CCDC14: variants seen among roughly 807,000 people sequenced by gnomAD.
The protein encoded by CCDC14 is coiled-coil domain containing 14.
Under a neutral mutation model 81.4 loss-of-function variants are expected in CCDC14, and 71 were observed. The observed-to-expected ratio is 0.87, with a 90% confidence interval of 0.72 to 1.06. The LOEUF (loss-of-function observed/expected upper bound fraction) is 1.06, where lower values mean the gene tolerates loss of function less well. Among genes scored for constraint, CCDC14 ranks in the 50% least tolerant of loss-of-function variants. The pLI is 0.00. For synonymous variants in CCDC14, 332 were observed against 364.8 expected, an observed-to-expected ratio of 0.91 and a Z score of 1.03; for missense variants, 1,046 against 1,047.3, an observed-to-expected ratio of 1.00 and a Z score of 0.02.
the CCDC14 span, among the ~76,000 whole-genome samples, chr3:123,890,238 G>C: frequency 6.6e-6 from 1 of 152,112 alleles, no homozygotes; most frequent in Non-Finnish European, 1.5e-5. Context: ...GATTTGGGTG[G>C]GGACACAGAG....
rs1175699137 is a variant in CCDC14 at position 123,913,672 on chromosome 3, A to T, written c.*1107T>A. The T allele has an allele frequency of 8.2e-6, 1 of 121,666 alleles. No homozygotes were observed. The highest frequency in any genetic ancestry group is 1.3e-5 in the Non-Finnish European group (1 of 76,292). The allele number at this position is 121,666 out of a possible 1,614,324, so 7.5% of individuals were successfully genotyped here. ...TTCAAACGCTGTAGCACTAACACCT[A>T]AAAAAAAAAAAAAAACCACCAAAAA... On this transcript the variant is annotated 3_prime_UTR_variant, in exon 13 of 13. Transcript: ENST00000409697.
intron 2 of CCDC14, 63 bp from the exon 3 acceptor site, chr3:123,956,490 C>G (rs1464486911): frequency 1.8e-5 from 21 of 1,164,662 alleles, no homozygotes; most frequent in Non-Finnish European, 2.2e-5. Context: ...AGTAAGTAGT[C>G]ATTTTCTTTC....
chr3:123,913,314 G>A, downstream of CCDC14: 1 of 902,280 alleles, frequency 1.1e-6, no homozygotes, highest in Non-Finnish European at 1.3e-6. Context: ...TTGCATATAA[G>A]GATGGCTGTT....
At chr3:123,898,241 A>T (rs1235521689) in intron 5 of CCDC14, among the ~76,000 whole-genome samples, 1 of 152,204 alleles carries the variant, frequency 6.6e-6, no homozygotes, top group African/African-American at 2.4e-5. Flanking sequence ...AATAAACCCC[A>T]TCCACTTCAT....
At position 123,946,922 on chromosome 3, in the gene CCDC14, A is replaced by G. The variant is rs568438479; in HGVS notation, c.1082T>C (p.Val361Ala). The change falls in exon 8 of 13, where the codon GTG (valine) becomes GCG (alanine). Residue 361 changes from valine (V) to alanine (A), a missense_variant. Val to Ala is a moderately conservative substitution (Grantham distance 64). Transcript: ENST00000409697. Reference sequence around the variant, plus strand: ...ATCCTTCACTGTTTTTGTATCTCGCACATGTATGTTTAAATCCTTTCTTTC... The same window carrying G: ...ATCCTTCACTGTTTTTGTATCTCGCGCATGTATGTTTAAATCCTTTCTTTC... ...TSERKDLNIH[V>A]RDTKTVKDVQ... 5 of 1,613,906 alleles carry G rather than the reference A, an allele frequency of 3.1e-6. No homozygotes were observed. The highest frequency in any genetic ancestry group is 3.4e-6 in the Non-Finnish European group (4 of 1,179,866).
intron 12 of CCDC14, among the ~76,000 whole-genome samples, chr3:123,926,040 G>A (rs72962788): frequency 0.024 from 3,592 of 152,152 alleles, 149 homozygotes; most frequent in African/African-American, 0.08. Flanking sequence ...TGATCAGACT[G>A]CATACCGAAA....
Position 123,915,493 on chromosome 3 carries a change from TTCC to T in CCDC14, c.2001_2003del (p.Glu668del), listed in dbSNP as rs778431888. On this transcript the variant is annotated inframe_deletion, in exon 13 of 13. Coordinates refer to ENST00000409697, the MANE Select transcript of CCDC14 (RefSeq NM_001366335.1). ...CATAGGTTTTGTCTGGCTCTATGGT[TTCC>T]TCATTTTTAATTGTAGAAAGTGGCT... The T allele has an allele frequency of 1.9e-6, 3 of 1,613,996 alleles. No homozygotes were observed. The highest frequency in any genetic ancestry group is 3.3e-5 in the Admixed American group (2 of 60,028).
chr3:123,928,377 G>GCACCTGTA (rs2035502963), intron 12 of CCDC14, among the ~76,000 whole-genome samples: 1 of 150,774 alleles, frequency 6.6e-6, no homozygotes, highest in Non-Finnish European at 1.5e-5. Flanking sequence ...GTGGTGGAGG[G>GCACCTGTA]CACCTGTAGT....
intron 12 of CCDC14, chr3:123,930,833 G>A: frequency 9.4e-6 from 3 of 320,652 alleles, no homozygotes; most frequent in East Asian, 6.2e-5. Context: ...GAACCAGAGG[G>A]CTCAATGGTG....
intron 5 of CCDC14, among the ~76,000 whole-genome samples, chr3:123,903,118 T>C (rs1013719408): frequency 1.3e-5 from 2 of 152,124 alleles, no homozygotes; most frequent in Admixed American, 6.6e-5. Context: ...CTTATATTTA[T>C]GGATGAGATA....
chr3:123,888,416 A>AT, the CCDC14 span, among the ~76,000 whole-genome samples: 3 of 152,196 alleles, frequency 2.0e-5, no homozygotes, highest in Non-Finnish European at 2.9e-5. Flanking sequence ...AGTGTCAAAA[A>AT]ATATATATGG....
chr3:123,934,408 G>A (rs750876858), intron 9 of CCDC14, among the ~76,000 whole-genome samples: 2 of 144,130 alleles, frequency 1.4e-5, no homozygotes, highest in African/African-American at 2.6e-5. Flanking sequence ...GTCTTTCTGT[G>A]TATCTTCATC....
At chr3:123,931,600 TAAAAAA>T in intron 10 of CCDC14, 74 bp from the exon 11 acceptor site, 1 of 527,166 alleles carries the variant, frequency 1.9e-6, no homozygotes. Context: ...ACCTGTTTCT[TAAAAAA>T]AAAAAAAAAA....
Position 123,914,078 on chromosome 3 carries a change from A to T in CCDC14, c.*701T>A. The T allele has an allele frequency of 8.1e-6, 8 of 985,524 alleles. No individual in the cohort carries two copies. The highest frequency in any genetic ancestry group is 9.6e-6 in the Non-Finnish European group (8 of 829,700). 61.0% of individuals were successfully genotyped at this position (985,524 alleles called of 1,614,324 possible). The stretch of plus-strand genomic sequence containing the variant: ...TTTCTTATTTAAAAAAAACCCACAA[A>T]TTTCCCCAACTATAGCTTATCTGTT... On this transcript the variant is annotated 3_prime_UTR_variant, in exon 13 of 13. Coordinates refer to ENST00000409697, the MANE Select transcript of CCDC14 (RefSeq NM_001366335.1).
intron 6 of CCDC14, 51 bp downstream of exon 6, chr3:123,948,845 C>A (rs995157347): frequency 5.1e-6 from 8 of 1,582,944 alleles, no homozygotes; most frequent in Admixed American, 1.8e-5. Context: ...AGTAACCAAG[C>A]AATTTAATTA....
At chr3:123,930,391 A>T (rs969159571) in intron 12 of CCDC14, among the ~76,000 whole-genome samples, 5 of 152,228 alleles carry the variant, frequency 3.3e-5, no homozygotes, top group Non-Finnish European at 5.9e-5. Flanking sequence ...AGACAAAGTC[A>T]GATCTGCAGA....
chr3:123,956,317 T>C, intron 3 of CCDC14, 38 bp downstream of exon 3: 2 of 1,410,320 alleles, frequency 1.4e-6, no homozygotes, highest in South Asian at 1.4e-5. Context: ...ATTTGAAAAC[T>C]AATTAAAATA....
intron 12 of CCDC14, among the ~76,000 whole-genome samples, chr3:123,921,850 C>T (rs1367737326): frequency 1.3e-5 from 2 of 152,204 alleles, no homozygotes; most frequent in East Asian, 3.8e-4. Context: ...CAGGGGCCAT[C>T]AGTTGGACAA....
At chr3:123,891,556 G>C in the CCDC14 span, among the ~76,000 whole-genome samples, 1 of 152,120 alleles carries the variant, frequency 6.6e-6, no homozygotes, top group South Asian at 2.1e-4. Context: ...CAGTCTCTTT[G>C]CTAAAACATA....
Sources: gnomAD v4.1 joint callset for allele counts (sites outside exome capture counted in the v4.1 genomes callset) on GRCh38, gnomAD v4.1.1 for gene constraint, MANE v1.5 for transcripts, NCBI Gene and HGNC (gene_info 2026-07-23, HGNC 2026-07-21) for gene names.